The following ISM1 variants were observed in gnomAD, a reference collection of about 807,000 sequenced individuals.
ISM1 encodes the protein isthmin 1, also known as isthmin-1.
In ISM1, 25 loss-of-function variants were observed where a neutral mutation model predicts 46.3. The observed-to-expected ratio is 0.54, with a 90% CI of 0.39 to 0.75. The LOEUF is 0.75. ISM1 is among the 30% of genes least tolerant of loss of function. The probability of loss-of-function intolerance (pLI) is 0.00; values close to 1 mark genes in which losing one functional copy is unlikely to be tolerated. For synonymous variants in ISM1, 255 were observed against 256.7 expected, an observed-to-expected ratio of 0.99 and a Z score of 0.06; for missense variants, 536 against 625.4, an observed-to-expected ratio of 0.86 and a Z score of 1.52.
Position 13,249,623 on chromosome 20 carries a change from G to T in ISM1, c.139-20881G>T, listed in dbSNP as rs1296447368. Among the ~76,000 whole-genome samples the T allele has an allele frequency of 7.2e-5, 11 of 152,170 alleles. No homozygotes were observed. In the East Asian group the frequency reaches 2.1e-3, roughly 29 times the overall value. ...TTATTTACACCACAGTCATAAAGTTGGTTTTAATCTCTGTAGTGGAATGCT... is the reference window on the plus strand; with the variant it reads ...TTATTTACACCACAGTCATAAAGTTTGTTTTAATCTCTGTAGTGGAATGCT... On this transcript the variant is annotated intron_variant, in intron 1 of 5. Coordinates refer to ENST00000262487, the MANE Select transcript of ISM1 (RefSeq NM_080826.2).
chr20:13,250,711 C>G (rs1041019740), intron 1 of ISM1, among the ~76,000 whole-genome samples: 3 of 152,306 alleles, frequency 2.0e-5, no homozygotes, highest in Admixed American at 6.5e-5. Context: ...ATCTTGCTCC[C>G]TATTGTATTT....
intron 1 of ISM1, among the ~76,000 whole-genome samples, chr20:13,257,751 C>A (rs1176143601): frequency 6.6e-6 from 1 of 151,202 alleles, no homozygotes; most frequent in Non-Finnish European, 1.5e-5. Flanking sequence ...CCCTACCAAA[C>A]CAAGTCAGGG....
chr20:13,295,568 C>T (rs778947610), intron 5 of ISM1, among the ~76,000 whole-genome samples: 1 of 152,166 alleles, frequency 6.6e-6, no homozygotes, highest in African/African-American at 2.4e-5. Flanking sequence ...GTCCATTAGA[C>T]ACCTCCAAGA....
the ISM1 span, among the ~76,000 whole-genome samples, chr20:13,311,243 T>TAGATGATA: frequency 0.089 from 11,384 of 127,520 alleles, 612 homozygotes; most frequent in South Asian, 0.13. Flanking sequence ...GATAGATAGA[T>TAGATGATA]GATAGATAGA....
At chr20:13,223,023 C>T (rs982695198) in intron 1 of ISM1, among the ~76,000 whole-genome samples, 4 of 152,004 alleles carry the variant, frequency 2.6e-5, no homozygotes. Flanking sequence ...ATTAGCTGGG[C>T]GTGGTGGCGC....
At chr20:13,311,236 A>AGAT in the ISM1 span, among the ~76,000 whole-genome samples, 156 of 105,198 alleles carry the variant, frequency 1.5e-3, no homozygotes, top group African/African-American at 5.0e-3. Context: ...ATAGATAGAT[A>AGAT]GATAGATGAT....
intron 1 of ISM1, among the ~76,000 whole-genome samples, chr20:13,264,641 G>A (rs1438012863): frequency 6.6e-6 from 1 of 152,176 alleles, no homozygotes; most frequent in Non-Finnish European, 1.5e-5. Flanking sequence ...ATGTGGCTAT[G>A]GCCATCCACC....
chr20:13,281,441 T>C (rs1350891357), intron 3 of ISM1, among the ~76,000 whole-genome samples: 1 of 152,222 alleles, frequency 6.6e-6, no homozygotes, highest in Non-Finnish European at 1.5e-5. Flanking sequence ...GTACTTACCA[T>C]GCACTAGTCC....
At chr20:13,266,877 T>G (rs1319135649) in intron 1 of ISM1, among the ~76,000 whole-genome samples, 2 of 152,202 alleles carry the variant, frequency 1.3e-5, no homozygotes, top group Non-Finnish European at 2.9e-5. Context: ...TGAGTGAACT[T>G]GGTAATAGCT....
intron 1 of ISM1, among the ~76,000 whole-genome samples, chr20:13,260,346 C>T (rs531784741): frequency 1.3e-5 from 2 of 152,154 alleles, no homozygotes; most frequent in African/African-American, 2.4e-5. Context: ...GTCTCAGCTT[C>T]GAGTCTTTGA....
At chr20:13,296,326 C>T (rs529534036) in intron 5 of ISM1, among the ~76,000 whole-genome samples, 1 of 152,296 alleles carries the variant, frequency 6.6e-6, no homozygotes, top group East Asian at 1.9e-4. Flanking sequence ...AGGACCAGTC[C>T]CCTGTCAGTG....
rs372611019 is a variant in ISM1 at position 13,299,121 on chromosome 20, G to A, written c.1057G>A (p.Gly353Arg). 3.7e-6 allele frequency: 6 copies of A among 1,613,092 alleles called. No individual in the cohort carries two copies. The highest frequency in any genetic ancestry group is 2.5e-6 in the Non-Finnish European group (3 of 1,179,700). The part of the protein sequence containing the change: ...RKDFRWKDAS[G>R]PKEKLEIYKP... Reference sequence around the variant, plus strand: ...GGACTTCCGCTGGAAGGACGCCAGCGGGCCCAAGGAGAAGCTGGAGATCTA... The same window carrying A: ...GGACTTCCGCTGGAAGGACGCCAGCAGGCCCAAGGAGAAGCTGGAGATCTA... Residue 353 changes from glycine to arginine, a missense_variant, in exon 6 of 6, where the codon GGG becomes AGG. Gly to Arg is a moderately radical substitution (Grantham distance 125). Coordinates refer to ENST00000262487, the MANE Select transcript of ISM1 (RefSeq NM_080826.2). This position sits in a 1 kb window ranked among gnomAD's most constrained non-coding sequence, Gnocchi z 5.8.
the ISM1 span, among the ~76,000 whole-genome samples, chr20:13,318,865 G>T: frequency 6.6e-6 from 1 of 152,218 alleles, no homozygotes; most frequent in South Asian, 2.1e-4. Context: ...GTTGCCAGGG[G>T]TTGAGAAGAG....
In ISM1 at chr20:13,261,740, A is replaced by G. The variant is rs141721476; in HGVS notation, c.139-8764A>G. On this transcript the variant is annotated intron_variant, in intron 1 of 5. Coordinates refer to ENST00000262487, the MANE Select transcript of ISM1 (RefSeq NM_080826.2). ...GCAGAGAGATTAGCAATAGGTTTCA[A>G]TGAGGGTTCTTAACTTTAGTGTTGA... 3.2e-3 allele frequency among the ~76,000 whole-genome samples: 484 copies of G among 152,330 alleles called. 4 individuals carry two copies. The highest frequency in any genetic ancestry group is 0.011 in the African/African-American group (458 of 41,562).
intron 4 of ISM1, among the ~76,000 whole-genome samples, chr20:13,289,408 G>A (rs542540759): frequency 1.8e-4 from 28 of 152,314 alleles, no homozygotes; most frequent in Non-Finnish European, 3.1e-4. Context: ...AACCTGGGGC[G>A]TCTTGGTAGT....
At chr20:13,280,402 C>A (rs577209486) in intron 3 of ISM1, among the ~76,000 whole-genome samples, 4 of 138,760 alleles carry the variant, frequency 2.9e-5, no homozygotes, top group Non-Finnish European at 4.7e-5. Flanking sequence ...CCCCCCCCCC[C>A]CAATACATTT....
chr20:13,315,593 T>C, the ISM1 span, among the ~76,000 whole-genome samples: 20 of 151,942 alleles, frequency 1.3e-4, no homozygotes, highest in African/African-American at 4.8e-4. Context: ...TAGTTACAGA[T>C]TTCAATACCC....
At chr20:13,273,840 G>T (rs6109790) in intron 2 of ISM1, among the ~76,000 whole-genome samples, 66,439 of 151,766 alleles carry the variant, frequency 0.44, 16,998 homozygotes, top group African/African-American at 0.72. Flanking sequence ...AATCCCTATC[G>T]GTTAATTTTC....
At chr20:13,314,047 C>T in the ISM1 span, among the ~76,000 whole-genome samples, 1 of 151,950 alleles carries the variant, frequency 6.6e-6, no homozygotes, top group African/African-American at 2.4e-5. Flanking sequence ...AATCTCTGAA[C>T]TTGAAGACAT....
Sources: allele counts gnomAD v4.1 joint callset (sites outside exome capture counted in the v4.1 genomes callset), GRCh38; gene constraint gnomAD v4.1.1; non-coding constraint Gnocchi (gnomAD v3.1); transcripts MANE v1.5; gene names NCBI Gene and HGNC (gene_info 2026-07-23, HGNC 2026-07-21).